Variants in ENTREP2 observed in about 807,000 individuals in gnomAD.
ENTREP2 encodes endosomal transmembrane epsin interactor 2, also known as protein ENTREP2.
chr15:29,634,445 A>T, the ENTREP2 span, among the ~76,000 whole-genome samples: 2 of 152,044 alleles, frequency 1.3e-5, no homozygotes, highest in African/African-American at 4.8e-5. Flanking sequence ...AGTAGAAAAA[A>T]ACTCCCATAA....
chr15:29,386,646 G>C, the ENTREP2 span, among the ~76,000 whole-genome samples: 1 of 152,170 alleles, frequency 6.6e-6, no homozygotes, highest in Non-Finnish European at 1.5e-5. Flanking sequence ...GCAATGTAAT[G>C]GTATTTGGAG....
At chr15:29,658,359 T>G in the ENTREP2 span, among the ~76,000 whole-genome samples, 2 of 152,194 alleles carry the variant, frequency 1.3e-5, no homozygotes, top group Admixed American at 1.3e-4. Flanking sequence ...TGCAGAACTG[T>G]GAGTCAATTA....
chr15:29,296,439 T>G, the ENTREP2 span, among the ~76,000 whole-genome samples: 2 of 152,056 alleles, frequency 1.3e-5, no homozygotes, highest in Non-Finnish European at 2.9e-5. Context: ...AAAAAACACA[T>G]GAAATCCTCA....
chr15:29,417,504 G>T, the ENTREP2 span, among the ~76,000 whole-genome samples: 1 of 152,168 alleles, frequency 6.6e-6, no homozygotes, highest in South Asian at 2.1e-4. Context: ...GGGGTTAGGG[G>T]AGCAGAGAGA....
the ENTREP2 span, chr15:29,137,071 G>T: frequency 6.9e-7 from 1 of 1,457,718 alleles, no homozygotes; most frequent in Non-Finnish European, 9.0e-7. Flanking sequence ...GTGTACTCTG[G>T]GGGGTAATAG....
At chr15:29,130,526 G>A in the ENTREP2 span, among the ~76,000 whole-genome samples, 3 of 152,104 alleles carry the variant, frequency 2.0e-5, no homozygotes, top group African/African-American at 7.2e-5. Flanking sequence ...GAACTCCGCT[G>A]TCTAAAAGAA....
the ENTREP2 span, among the ~76,000 whole-genome samples, chr15:29,389,011 G>GC: frequency 5.9e-5 from 9 of 151,798 alleles, no homozygotes; most frequent in Non-Finnish European, 8.8e-5. Context: ...TATACCTAAT[G>GC]TAAATGACGA....
the ENTREP2 span, among the ~76,000 whole-genome samples, chr15:29,334,728 G>C: frequency 6.6e-6 from 1 of 152,180 alleles, no homozygotes; most frequent in Non-Finnish European, 1.5e-5. Flanking sequence ...GTGATCCAGC[G>C]AATGTGACAG....
chr15:29,647,904 T>C, the ENTREP2 span, among the ~76,000 whole-genome samples: 3,199 of 152,202 alleles, frequency 0.021, 99 homozygotes, highest in African/African-American at 0.072. Context: ...TACCCAAAAA[T>C]TGGACACTCA....
At chr15:29,295,949 T>G in the ENTREP2 span, among the ~76,000 whole-genome samples, 1 of 152,188 alleles carries the variant, frequency 6.6e-6, no homozygotes, top group Non-Finnish European at 1.5e-5. Flanking sequence ...AAGAGGGGAC[T>G]GCTGTATAAA....
the ENTREP2 span, among the ~76,000 whole-genome samples, chr15:29,295,777 T>C: frequency 1.3e-5 from 2 of 152,128 alleles, no homozygotes; most frequent in African/African-American, 4.8e-5. Flanking sequence ...CTGGAGACGC[T>C]GGACAAAGGG....
chr15:29,604,076 C>T, the ENTREP2 span, among the ~76,000 whole-genome samples: 1,152 of 152,132 alleles, frequency 7.6e-3, 18 homozygotes, highest in African/African-American at 0.027. Context: ...ACGAGGGAAA[C>T]GGTCACTATC....
the ENTREP2 span, among the ~76,000 whole-genome samples, chr15:29,332,791 C>G: frequency 1.8e-3 from 277 of 152,044 alleles, 2 homozygotes; most frequent in African/African-American, 6.1e-3. Flanking sequence ...GAAAACCTGT[C>G]TCTAGTAAAA....
the ENTREP2 span, among the ~76,000 whole-genome samples, chr15:29,357,127 C>T: frequency 2.6e-5 from 4 of 151,798 alleles, no homozygotes; most frequent in African/African-American, 7.3e-5. Flanking sequence ...CAATTGGTCA[C>T]GCATAAAAGA....
At chr15:29,383,342 C>G in the ENTREP2 span, among the ~76,000 whole-genome samples, 2 of 152,196 alleles carry the variant, frequency 1.3e-5, no homozygotes, top group Non-Finnish European at 1.5e-5. Flanking sequence ...CACAAGAGTA[C>G]CTCTTCTTCC....
chr15:29,160,916 C>G, the ENTREP2 span, among the ~76,000 whole-genome samples: 1 of 151,976 alleles, frequency 6.6e-6, no homozygotes, highest in African/African-American at 2.4e-5. Flanking sequence ...AAGGAGAGTT[C>G]CACAGCATAA....
the ENTREP2 span, among the ~76,000 whole-genome samples, chr15:29,540,329 C>T: frequency 6.6e-6 from 1 of 152,162 alleles, no homozygotes; most frequent in African/African-American, 2.4e-5. Flanking sequence ...TGCTATCAAA[C>T]ATTAGAACTT....
chr15:29,234,866 G>A, the ENTREP2 span: 93 of 1,449,310 alleles, frequency 6.4e-5, no homozygotes, highest in Admixed American at 3.5e-4. Flanking sequence ...TTGGTGCCCC[G>A]AACGAATTGT....
chr15:29,342,906 C>A, the ENTREP2 span, among the ~76,000 whole-genome samples: 1 of 151,916 alleles, frequency 6.6e-6, no homozygotes, highest in Non-Finnish European at 1.5e-5. Flanking sequence ...TCTAAGTTTG[C>A]ATACTTTCTT....
Sources: allele counts gnomAD v4.1 joint callset (sites outside exome capture counted in the v4.1 genomes callset), GRCh38; gene constraint gnomAD v4.1.1; transcripts MANE v1.5; gene names NCBI Gene and HGNC (gene_info 2026-07-23, HGNC 2026-07-21).